Variants in CNR1 observed in about 807,000 individuals in gnomAD.
CNR1 encodes cannabinoid receptor 1.
Under a neutral mutation model 23.0 loss-of-function variants are expected in CNR1, and 10 were observed. That is an observed-to-expected ratio of 0.43 (90% CI 0.27 to 0.74). The LOEUF is 0.74. Among genes scored for constraint, CNR1 ranks in the 30% least tolerant of loss-of-function variants. CNR1 has a pLI of 0.19. For missense variants in CNR1, 422 were observed against 618.8 expected (o/e 0.68, Z 3.37); for synonymous variants, 271 against 255.2 (o/e 1.06, Z -0.59).
intron 1 of CNR1, among the ~76,000 whole-genome samples, chr6:88,163,315 T>C (rs1205659602): frequency 2.0e-5 from 3 of 152,270 alleles, no homozygotes; most frequent in Admixed American, 2.0e-4. Context: ...CTCTTGTTTT[T>C]GCAGCATTCC....
upstream of CNR1, chr6:88,166,442 C>A (rs899684777): frequency 2.0e-5 from 3 of 152,392 alleles, no homozygotes; most frequent in African/African-American, 7.2e-5. Flanking sequence ...GGCACAGACC[C>A]CGCCGAGGGA....
chr6:88,160,421 ATTT>A (rs1009888052), intron 1 of CNR1, among the ~76,000 whole-genome samples: 1 of 149,824 alleles, frequency 6.7e-6, no homozygotes, highest in Non-Finnish European at 1.5e-5. Flanking sequence ...AACTTAAAAA[ATTT>A]TTTTTCTTTT....
intron 1 of CNR1, among the ~76,000 whole-genome samples, chr6:88,153,439 A>T (rs1210512857): frequency 6.6e-6 from 1 of 152,198 alleles, no homozygotes; most frequent in Non-Finnish European, 1.5e-5. Context: ...TTAACCCATC[A>T]TACTCCTTCT....
rs78783387 is a variant in CNR1 at position 88,144,019 on chromosome 6, G to A, written c.1256C>T (p.Ala419Val). ...CCCCATGCTGTTATCCAGAGGCTGCGCAGTGCCTTCACAAGAGGGAAACAT... is the reference window on the plus strand; with the variant it reads ...CCCCATGCTGTTATCCAGAGGCTGCACAGTGCCTTCACAAGAGGGAAACAT... ...RSMFPSCEGT[A>V]QPLDNSMGDS... Residue 419 changes from alanine (A) to valine (V), a missense_variant, in exon 2 of 2, where the codon GCG becomes GTG. Ala to Val is a moderately conservative substitution (Grantham distance 64). Transcript: ENST00000369501. The surrounding 1 kb of genome is among the most constrained non-coding windows in gnomAD (Gnocchi z 7.8). 10 of 1,614,066 alleles carry A rather than the reference G, an allele frequency of 6.2e-6. No homozygotes were observed. Among genetic ancestry groups the A allele is most frequent in the Admixed American group, 1.7e-5 (1 of 60,012 alleles).
chr6:88,144,301 C>G lies in CNR1; in HGVS notation c.974G>C (p.Gly325Ala). ...GTCTGGCCGGGTCACCTGTACCTTC[C>G]CATCCTCAGACGTGTGGATGATGAT... ...KSIIIHTSED[G>A]KVQVTRPDQA... Residue 325 changes from glycine (G) to alanine (A), a missense_variant, in exon 2 of 2, where the codon GGG becomes GCG. Coordinates refer to ENST00000369501, the MANE Select transcript of CNR1 (RefSeq NM_016083.6). This position sits in a 1 kb window ranked among gnomAD's most constrained non-coding sequence, Gnocchi z 7.8. 1 of 1,612,318 alleles carries G rather than the reference C, an allele frequency of 6.2e-7. No homozygotes were observed. The highest frequency in any genetic ancestry group is 2.2e-5 in the East Asian group (1 of 44,866).
Position 88,143,808 on chromosome 6 carries a change from G to T in CNR1, c.*48C>A. On this transcript the variant is annotated 3_prime_UTR_variant, in exon 2 of 2. Transcript: ENST00000369501. Reference sequence around the variant, plus strand: ...GACAATAGACTCTTCTAGATTTTGAGCTTAAAAAAAAAAATTCTTTTCCTG... The same window carrying T: ...GACAATAGACTCTTCTAGATTTTGATCTTAAAAAAAAAAATTCTTTTCCTG... The T allele has an allele frequency of 1.4e-6, 2 of 1,445,128 alleles. No individual in the cohort carries two copies. Among genetic ancestry groups the T allele is most frequent in the Non-Finnish European group, 1.9e-6 (2 of 1,051,780 alleles). 89.5% of individuals were successfully genotyped at this position (1,445,128 alleles called of 1,614,324 possible). A position where few individuals can be genotyped will look rare whatever the true frequency, so the allele number is the denominator to read the frequency against.
In CNR1 at chr6:88,143,665, C is replaced by T. The variant is rs1776956627; in HGVS notation, c.*191G>A. 1.7e-6 allele frequency: 1 copy of T among 580,388 alleles called. No individual in the cohort carries two copies. The highest frequency in any genetic ancestry group is 1.9e-5 in the African/African-American group (1 of 53,476). 36.0% of individuals were successfully genotyped at this position (580,388 alleles called of 1,614,324 possible). On this transcript the variant is annotated 3_prime_UTR_variant, in exon 2 of 2. Transcript: ENST00000369501. ...ACAACAGGCTTTCTTCACTGTAAAC[C>T]CCTGGAGAATGGAGTTTGAGTACCT...
intron 1 of CNR1, among the ~76,000 whole-genome samples, chr6:88,147,441 A>G (rs375343097): frequency 4.6e-5 from 7 of 152,362 alleles, no homozygotes; most frequent in East Asian, 3.9e-4. Flanking sequence ...CACCCAGTCT[A>G]GAGGGCTGAA....
chr6:88,159,693 A>T (rs1777985064), intron 1 of CNR1, among the ~76,000 whole-genome samples: 1 of 152,224 alleles, frequency 6.6e-6, no homozygotes, highest in Non-Finnish European at 1.5e-5. Context: ...CCAATCTTGC[A>T]CTTGTTTCAG....
At chr6:88,147,258 G>A (rs1374704833) in intron 1 of CNR1, among the ~76,000 whole-genome samples, 2 of 152,372 alleles carry the variant, frequency 1.3e-5, no homozygotes, top group African/African-American at 4.8e-5. Context: ...GTTGCAGTGA[G>A]GCGAGATTAT....
Position 88,144,462 on chromosome 6 carries a change from A to C in CNR1, c.813T>G (p.Ile271Met). The stretch of plus-strand genomic sequence containing the variant: ...TCCAGAACATCAGGTAGGTTTCATC[A>C]ATGTGTGGGAAAATGTCTGAGCAAA... ...QSVCSDIFPH[I>M]DETYLMFWIG... Residue 271 changes from isoleucine to methionine, a missense_variant, in exon 2 of 2, where the codon ATT becomes ATG. Ile to Met is a conservative substitution (Grantham distance 10). Around this residue, in one of 4 missense-constraint regions of CNR1, gnomAD observed 211 missense variants for 357.3 expected, o/e 0.59. Transcript: ENST00000369501. This position sits in a 1 kb window ranked among gnomAD's most constrained non-coding sequence, Gnocchi z 7.8. 6.2e-7 allele frequency: 1 copy of C among 1,614,174 alleles called. No homozygotes were observed. The highest frequency in any genetic ancestry group is 8.5e-7 in the Non-Finnish European group (1 of 1,180,046).
In CNR1 at chr6:88,143,589, A is replaced by ATCTCGGT; in HGVS notation, c.*266_*267insACCGAGA. The ATCTCGGT allele has an allele frequency of 5.6e-6, 2 of 356,492 alleles. No individual in the cohort carries two copies. Among genetic ancestry groups the ATCTCGGT allele is most frequent in the Admixed American group, 4.4e-5 (1 of 22,756 alleles). The allele number at this position is 356,492 out of a possible 1,614,324, so 22.1% of individuals were successfully genotyped here. ...CTTAGACTTCCAATTGTGTAGCCAA[A>ATCTCGGT]GGTTTCCCTCCTATTTCATTGAGAC... On this transcript the variant is annotated 3_prime_UTR_variant, in exon 2 of 2. Transcript: ENST00000369501.
chr6:88,144,595 A>G lies in CNR1; in HGVS notation c.680T>C (p.Ile227Thr). The change falls in exon 2 of 2, where the codon ATT becomes ACT. Residue 227 changes from isoleucine to threonine, a missense_variant. Ile to Thr is a moderately conservative substitution (Grantham distance 89, BLOSUM62 -1). Coordinates refer to ENST00000369501, the MANE Select transcript of CNR1 (RefSeq NM_016083.6). This position sits in a 1 kb window ranked among gnomAD's most constrained non-coding sequence, Gnocchi z 7.8. ...CACCACGGCCTTGGGCCTGGTGACA[A>G]TCCTCTTATAGGCCAGGGGCCTGTG... is the stretch of plus-strand genomic sequence containing the variant. ...SIHRPLAYKR[I>T]VTRPKAVVAF... 6.2e-7 allele frequency: 1 copy of G among 1,614,218 alleles called. No individual in the cohort carries two copies. The highest frequency in any genetic ancestry group is 8.5e-7 in the Non-Finnish European group (1 of 1,180,040).
intron 1 of CNR1, among the ~76,000 whole-genome samples, chr6:88,157,773 T>C (rs780668111): frequency 6.6e-6 from 1 of 152,206 alleles, no homozygotes; most frequent in African/African-American, 2.4e-5. Flanking sequence ...TATGCAATAA[T>C]CACTACTGGT....
rs754058726 is a variant in CNR1, at chr6:88,144,221, A to G, written c.1054T>C (p.Leu352=). 2.9e-5 allele frequency: 47 copies of G among 1,612,072 alleles called. No individual in the cohort carries two copies. The highest frequency in any genetic ancestry group is 3.9e-5 in the Non-Finnish European group (46 of 1,179,992). ...AKTLVLILVV[L]IICWGPLLAI... ...AGCAGAGGGCCCCAGCAGATGATCA[A>G]CACCACCAGGATCAGGACCAGGGTC... The change falls in exon 2 of 2, where the codon TTG becomes CTG. Residue 352 remains leucine (L), a synonymous_variant. Transcript: ENST00000369501. The surrounding 1 kb of genome is among the most constrained non-coding windows in gnomAD (Gnocchi z 7.8).
intron 1 of CNR1, among the ~76,000 whole-genome samples, chr6:88,156,492 A>C (rs1464803784): frequency 6.6e-6 from 1 of 152,182 alleles, no homozygotes; most frequent in Non-Finnish European, 1.5e-5. Flanking sequence ...TAGTTGAAAG[A>C]GTAGAATAGG....
At chr6:88,150,852 AG>A (rs1777482455) in intron 1 of CNR1, among the ~76,000 whole-genome samples, 1 of 152,360 alleles carries the variant, frequency 6.6e-6, no homozygotes, top group East Asian at 1.9e-4. Flanking sequence ...GGAGTTGTTT[AG>A]CAAACATAAG....
intron 1 of CNR1, among the ~76,000 whole-genome samples, chr6:88,163,517 T>C (rs1257759334): frequency 6.6e-6 from 1 of 152,244 alleles, no homozygotes; most frequent in Non-Finnish European, 1.5e-5. Context: ...CCTGTCTAAA[T>C]TTCCCCGTGG....
Position 88,144,313 on chromosome 6 carries a change from G to A in CNR1, c.962C>T (p.Thr321Met), listed in dbSNP as rs371968575. The change falls in exon 2 of 2, where the codon ACG becomes ATG. Residue 321 changes from threonine (T) to methionine (M), a missense_variant. Thr to Met is a moderately conservative substitution (Grantham distance 81). Around this residue, in one of 4 missense-constraint regions of CNR1, gnomAD observed 211 missense variants for 357.3 expected, o/e 0.59. Transcript: ENST00000369501. The surrounding 1 kb of genome is among the most constrained non-coding windows in gnomAD (Gnocchi z 7.8). ...CACCTGTACCTTCCCATCCTCAGACGTGTGGATGATGATGCTCTTCTGGGT... is the reference window on the plus strand; with the variant it reads ...CACCTGTACCTTCCCATCCTCAGACATGTGGATGATGATGCTCTTCTGGGT... The part of the protein sequence containing the change: ...RGTQKSIIIH[T>M]SEDGKVQVTR... 27 of 1,612,698 alleles carry A rather than the reference G, an allele frequency of 1.7e-5. No homozygotes were observed. The highest frequency in any genetic ancestry group is 6.7e-5 in the East Asian group (3 of 44,890).
Sources: allele counts gnomAD v4.1 joint callset (sites outside exome capture counted in the v4.1 genomes callset), GRCh38; gene constraint gnomAD v4.1.1; regional missense constraint gnomAD v4.1.1; non-coding constraint Gnocchi (gnomAD v3.1); transcripts MANE v1.5; gene names NCBI Gene and HGNC (gene_info 2026-07-23, HGNC 2026-07-21).